The following COL19A1 variants were observed in gnomAD, a reference collection of about 807,000 sequenced individuals.
COL19A1 encodes the protein collagen alpha-1(XIX) chain.
A neutral mutation model predicts 190.2 loss-of-function variants in COL19A1; 159 were observed. The ratio of observed to expected loss-of-function variants is 0.84; its 90% CI spans 0.73 to 0.95. The LOEUF (loss-of-function observed/expected upper bound fraction) is 0.95. Ranked by LOEUF, COL19A1 falls within the 40% of genes least tolerant of loss-of-function variation. The pLI is 0.00. For missense variants in COL19A1, 1,418 were observed against 1,431.9 expected (o/e 0.99, Z 0.16); for synonymous variants, 509 against 458.9 (o/e 1.11, Z -1.39).
intron 16 of COL19A1, among the ~76,000 whole-genome samples, chr6:70,118,455 G>GC (rs1784706558): frequency 6.6e-6 from 1 of 152,176 alleles, no homozygotes. Context: ...AGTCTCTGAA[G>GC]GGTTCCTTCG....
rs1765128766 is a variant in COL19A1, at chr6:70,165,980, C to A, written c.2440C>A (p.Pro814Thr). 3 of 1,613,596 alleles carry A rather than the reference C, an allele frequency of 1.9e-6. No homozygotes were observed. The African/African-American group carries it at 4.0e-5, about 22-fold the overall frequency. ...GPPGKPGPPG[P>T]PGIPFNERNG... is the part of the protein sequence containing the mutation. ...CCCTGGGAAACCCGGACCACCTGGA[C>A]CACCTGTGAGTTGTTCTAGGCTTAA... Residue 814 changes from proline to threonine, a missense_variant, in exon 37 of 51, where the codon CCA (proline) becomes ACA (threonine). By Grantham distance (38) the Pro-to-Thr change is conservative (BLOSUM62 -1). Coordinates refer to ENST00000620364, the MANE Select transcript of COL19A1 (RefSeq NM_001858.6).
At chr6:69,874,193 G>A (rs957732145) in intron 1 of COL19A1, among the ~76,000 whole-genome samples, 3 of 152,162 alleles carry the variant, frequency 2.0e-5, no homozygotes, top group Non-Finnish European at 2.9e-5. Context: ...CAGGTGTCAG[G>A]GAATGGTGAG....
At chr6:70,168,924 T>G (rs1765331272) in intron 40 of COL19A1, among the ~76,000 whole-genome samples, 1 of 152,136 alleles carries the variant, frequency 6.6e-6, no homozygotes, top group Admixed American at 6.6e-5. Context: ...AAAATCATCC[T>G]GTGATGGAGG....
chr6:69,931,835 T>C (rs929991878), intron 6 of COL19A1, among the ~76,000 whole-genome samples: 2 of 152,058 alleles, frequency 1.3e-5, no homozygotes, highest in South Asian at 4.1e-4. Flanking sequence ...AGGCGAAAAG[T>C]AAAAGTTATA....
intron 4 of COL19A1, among the ~76,000 whole-genome samples, chr6:69,902,525 T>C (rs1481704351): frequency 6.6e-6 from 1 of 152,206 alleles, no homozygotes; most frequent in Non-Finnish European, 1.5e-5. Flanking sequence ...ACCCAGGTAC[T>C]AACAAGGGTA....
intron 23 of COL19A1, among the ~76,000 whole-genome samples, chr6:70,143,213 C>T (rs1268164144): frequency 1.3e-5 from 2 of 152,148 alleles, no homozygotes; most frequent in Non-Finnish European, 2.9e-5. Context: ...CTAAGGAAGA[C>T]ATTTCGAAAG....
intron 48 of COL19A1, among the ~76,000 whole-genome samples, chr6:70,192,629 T>C (rs1198856552): frequency 6.6e-6 from 1 of 152,182 alleles, no homozygotes; most frequent in African/African-American, 2.4e-5. Flanking sequence ...TCTCAAGCTC[T>C]TCAGGGGAAT....
At chr6:69,899,506 A>G (rs571935674) in intron 3 of COL19A1, among the ~76,000 whole-genome samples, 2 of 152,252 alleles carry the variant, frequency 1.3e-5, no homozygotes, top group African/African-American at 4.8e-5. Flanking sequence ...AGGGTTCTAT[A>G]TGTTTAATCT....
At chr6:69,942,453 A>G (rs1364720459) in intron 9 of COL19A1, among the ~76,000 whole-genome samples, 3 of 152,190 alleles carry the variant, frequency 2.0e-5, no homozygotes, top group Non-Finnish European at 4.4e-5. Flanking sequence ...CTACAGTGCT[A>G]TTGAACAGAA....
intron 1 of COL19A1, among the ~76,000 whole-genome samples, chr6:69,869,232 CAG>C (rs1767672254): frequency 6.6e-6 from 1 of 152,108 alleles, no homozygotes; most frequent in Non-Finnish European, 1.5e-5. Flanking sequence ...CCTGGTAAGA[CAG>C]AAAATCCAAG....
chr6:70,043,644 CAA>C (rs1214690218), intron 14 of COL19A1, among the ~76,000 whole-genome samples: 2 of 152,168 alleles, frequency 1.3e-5, no homozygotes, highest in African/African-American at 4.8e-5. Flanking sequence ...GATGCGTTGT[CAA>C]TGAGCAGGAA....
chr6:69,998,651 A>T (rs1562073715), intron 11 of COL19A1, among the ~76,000 whole-genome samples: 1 of 151,490 alleles, frequency 6.6e-6, no homozygotes. Flanking sequence ...TCTCAAAAAA[A>T]AAAAAAAAAA....
chr6:70,135,386 C>G (rs1397741868), intron 18 of COL19A1, among the ~76,000 whole-genome samples: 1 of 152,192 alleles, frequency 6.6e-6, no homozygotes, highest in Non-Finnish European at 1.5e-5. Context: ...TGTAATCAAG[C>G]CTTGGTCCTT....
At chr6:70,026,744 T>C (rs1486209081) in intron 12 of COL19A1, among the ~76,000 whole-genome samples, 1 of 152,164 alleles carries the variant, frequency 6.6e-6, no homozygotes, top group African/African-American at 2.4e-5. Context: ...AATTTGAAAT[T>C]TGACCCTCAC....
chr6:70,120,013 C>T (rs1395540018), intron 16 of COL19A1, among the ~76,000 whole-genome samples: 1 of 152,154 alleles, frequency 6.6e-6, no homozygotes, highest in African/African-American at 2.4e-5. Context: ...ATCCCTTGAA[C>T]CTGGGAGGCA....
In COL19A1 at chr6:69,932,862, A is replaced by T. The variant is rs775962802; in HGVS notation, c.746A>T (p.Lys249Met). 7.5e-6 allele frequency: 12 copies of T among 1,591,266 alleles called. No homozygotes were observed. Among genetic ancestry groups the T allele is most frequent in the Non-Finnish European group, 1.0e-5 (12 of 1,162,696 alleles). The change falls in exon 7 of 51, where the codon AAG (lysine) becomes ATG (methionine). Residue 249 changes from lysine (K) to methionine (M), a missense_variant and splice_region_variant. Transcript: ENST00000620364. ...ACATGTTGTGAAATATCAGATACTAAGGTAAGTTAATTTTCTTTGCATATG... is the reference window on the plus strand; with the variant it reads ...ACATGTTGTGAAATATCAGATACTATGGTAAGTTAATTTTCTTTGCATATG... ...QETCCEISDTKCPEQDGFGNI... is the reference protein window; with the variant it reads ...QETCCEISDTMCPEQDGFGNI...
In COL19A1 at chr6:70,189,104, G is replaced by A. The variant is rs145299932; in HGVS notation, c.3027+859G>A. ...ATTCTTGGAATTATTCTGTCCTACC[G>A]GAATCATCACTTTATAAGCCCATCA... On this transcript the variant is annotated intron_variant, in intron 47 of 50. Coordinates refer to ENST00000620364, the MANE Select transcript of COL19A1 (RefSeq NM_001858.6). Among the ~76,000 whole-genome samples, 654 of 152,108 alleles carry A rather than the reference G, an allele frequency of 4.3e-3. 6 individuals carry two copies. Among genetic ancestry groups the A allele is most frequent in the African/African-American group, 0.013 (534 of 41,494 alleles).
intron 46 of COL19A1, among the ~76,000 whole-genome samples, chr6:70,187,402 C>T (rs745498676): frequency 6.6e-6 from 1 of 151,712 alleles, no homozygotes; most frequent in Non-Finnish European, 1.5e-5. Context: ...AAAGCACAAA[C>T]AAACAGGGGA....
chr6:69,944,569 T>G (rs1303009873), intron 9 of COL19A1, among the ~76,000 whole-genome samples: 1 of 152,114 alleles, frequency 6.6e-6, no homozygotes, highest in Non-Finnish European at 1.5e-5. Flanking sequence ...ACAAAAATTC[T>G]TTTCACATTG....
Sources: allele counts gnomAD v4.1 joint callset (sites outside exome capture counted in the v4.1 genomes callset), GRCh38; gene constraint gnomAD v4.1.1; transcripts MANE v1.5; gene names NCBI Gene and HGNC (gene_info 2026-07-23, HGNC 2026-07-21).